SUMO3: variants seen among roughly 807,000 people sequenced by gnomAD.
The protein encoded by SUMO3 is small ubiquitin like modifier 3.
Under a neutral mutation model 11.1 loss-of-function variants are expected in SUMO3, and 2 were observed. The observed-to-expected ratio is 0.18, with a 90% confidence interval of 0.07 to 0.57. The LOEUF (loss-of-function observed/expected upper bound fraction) is 0.57. Among genes scored for constraint, SUMO3 ranks in the 20% least tolerant of loss-of-function variants. The pLI is 0.92. For missense variants in SUMO3, 70 were observed against 132.8 expected, an observed-to-expected ratio of 0.53 and a Z score of 2.32; for synonymous variants, 56 against 53.5, an observed-to-expected ratio of 1.05 and a Z score of -0.20.
rs1248294099 is a variant in SUMO3 at position 44,811,035 on chromosome 21, C to T, written c.151-1917G>A. ...CCACATATGCACACACGCACACACC[C>T]ACATACACACACGCACACACCCACA... is the stretch of plus-strand genomic sequence containing the variant. On this transcript the variant is annotated intron_variant, in intron 2 of 3. Coordinates refer to ENST00000332859, the MANE Select transcript of SUMO3 (RefSeq NM_006936.3). This position sits in a 1 kb window ranked among gnomAD's most constrained non-coding sequence, Gnocchi z 5.0. Among the ~76,000 whole-genome samples, 1 of 143,896 alleles carries T rather than the reference C, an allele frequency of 6.9e-6. No individual in the cohort carries two copies. Among genetic ancestry groups the T allele is most frequent in the African/African-American group, 2.5e-5 (1 of 40,008 alleles). 94.4% of individuals were successfully genotyped at this position (143,896 alleles called of 152,430 possible).
intron 1 of SUMO3, among the ~76,000 whole-genome samples, chr21:44,817,028 G>T (rs1410893538): frequency 7.9e-6 from 1 of 125,966 alleles, no homozygotes; most frequent in Non-Finnish European, 1.7e-5. Context: ...GACGGGGAGG[G>T]GTGAGCACAC....
chr21:44,818,031 T>C lies in SUMO3; in HGVS notation c.-63A>G. On this transcript the variant is annotated 5_prime_UTR_variant, in exon 1 of 4. Transcript: ENST00000332859. ...GCAGCGCGGAGCGGGCGAGTCACGC[T>C]CTCGGCCCCGCCGCTCTCCCGCCGC... is the stretch of plus-strand genomic sequence containing the variant. 2 of 1,154,546 alleles carry C rather than the reference T, an allele frequency of 1.7e-6. No individual in the cohort carries two copies. Among genetic ancestry groups the C allele is most frequent in the South Asian group, 8.5e-5 (2 of 23,410 alleles). 71.5% of individuals were successfully genotyped at this position (1,154,546 alleles called of 1,614,324 possible).
At chr21:44,815,696 G>A (rs2083239479) in intron 1 of SUMO3, among the ~76,000 whole-genome samples, 1 of 152,184 alleles carries the variant, frequency 6.6e-6, no homozygotes, top group Non-Finnish European at 1.5e-5. Flanking sequence ...GCAGGGCCCA[G>A]ACGTCCCCCA....
chr21:44,808,675 A>G, intron 3 of SUMO3: 1 of 1,369,386 alleles, frequency 7.3e-7, no homozygotes, highest in Non-Finnish European at 9.5e-7. Context: ...CACCCACGTC[A>G]CTTGTGCAAG....
chr21:44,814,597 G>A (rs1195927284), intron 1 of SUMO3, among the ~76,000 whole-genome samples: 1 of 152,152 alleles, frequency 6.6e-6, no homozygotes, highest in Non-Finnish European at 1.5e-5. Context: ...CAGCTATACA[G>A]CACTAGTAAA....
intron 3 of SUMO3, chr21:44,808,340 G>C: frequency 2.4e-6 from 1 of 417,744 alleles, no homozygotes; most frequent in Admixed American, 4.4e-5. Flanking sequence ...GTGAAACCCC[G>C]TCTCTACTAA....
intron 3 of SUMO3, chr21:44,808,562 T>C (rs1351670649): frequency 7.2e-7 from 1 of 1,393,908 alleles, no homozygotes; most frequent in Non-Finnish European, 9.4e-7. Flanking sequence ...CATGACAGTA[T>C]GATGCCCTGC....
Position 44,818,036 on chromosome 21 carries a change from G to T in SUMO3, c.-68C>A. 8.8e-7 allele frequency: 1 copy of T among 1,142,284 alleles called. No homozygotes were observed. Among genetic ancestry groups the T allele is most frequent in the Non-Finnish European group, 1.1e-6 (1 of 922,120 alleles). 70.8% of individuals were successfully genotyped at this position (1,142,284 alleles called of 1,614,324 possible). On this transcript the variant is annotated 5_prime_UTR_variant, in exon 1 of 4. Transcript: ENST00000332859. Reference sequence around the variant, plus strand: ...GCGGAGCGGGCGAGTCACGCTCTCGGCCCCGCCGCTCTCCCGCCGCAACTG... The same window carrying T: ...GCGGAGCGGGCGAGTCACGCTCTCGTCCCCGCCGCTCTCCCGCCGCAACTG...
intron 2 of SUMO3, chr21:44,813,497 G>A (rs1246040872): frequency 1.4e-5 from 4 of 282,080 alleles, no homozygotes; most frequent in Admixed American, 4.7e-5. Context: ...AGAATCACGC[G>A]CTTTCTTGCC....
chr21:44,806,052 A>T lies in SUMO3; in HGVS notation c.*899T>A, dbSNP rs2083173959. 1 of 152,234 alleles carries T rather than the reference A, an allele frequency of 6.6e-6. No individual in the cohort carries two copies. The highest frequency in any genetic ancestry group is 2.4e-5 in the African/African-American group (1 of 41,452). The allele number at this position is 152,234 out of a possible 1,614,324, so 9.4% of individuals were successfully genotyped here. On this transcript the variant is annotated 3_prime_UTR_variant, in exon 4 of 4. Coordinates refer to ENST00000332859, the MANE Select transcript of SUMO3 (RefSeq NM_006936.3). ...AAGTAGCTCTTATACACGACAACAT[A>T]ACTGCAAATTCAGCAATACTTAGTC...
At position 44,806,394 on chromosome 21, in the gene SUMO3, A is replaced by G. The variant is rs1300398406; in HGVS notation, c.*557T>C. On this transcript the variant is annotated 3_prime_UTR_variant, in exon 4 of 4. Transcript: ENST00000332859. ...TTTTTAACCTTTGAAGAAGCATTCCAGTATTTTCCCTTCAACTTTTCCATA... is the reference window on the plus strand; with the variant it reads ...TTTTTAACCTTTGAAGAAGCATTCCGGTATTTTCCCTTCAACTTTTCCATA... The G allele has an allele frequency of 6.6e-6, 1 of 152,542 alleles. No homozygotes were observed. Among genetic ancestry groups the G allele is most frequent in the Non-Finnish European group, 1.5e-5 (1 of 68,286 alleles). The allele number at this position is 152,542 out of a possible 1,614,324, so 9.4% of individuals were successfully genotyped here.
Position 44,818,060 on chromosome 21 carries a change from T to A in SUMO3, c.-92A>T. The A allele has an allele frequency of 9.6e-7, 1 of 1,037,766 alleles. No homozygotes were observed. Among genetic ancestry groups the A allele is most frequent in the Non-Finnish European group, 1.2e-6 (1 of 830,148 alleles). The allele number at this position is 1,037,766 out of a possible 1,614,324, so 64.3% of individuals were successfully genotyped here. A position where few individuals can be genotyped will look rare whatever the true frequency, so the allele number is the denominator to read the frequency against. Reference sequence around the variant, plus strand: ...GGCCCCGCCGCTCTCCCGCCGCAACTGTGCGCGGGGCCGCGCTTTATCCCC... The same window carrying A: ...GGCCCCGCCGCTCTCCCGCCGCAACAGTGCGCGGGGCCGCGCTTTATCCCC... On this transcript the variant is annotated 5_prime_UTR_variant, in exon 1 of 4. Transcript: ENST00000332859.
At chr21:44,815,623 A>C (rs531816374) in intron 1 of SUMO3, among the ~76,000 whole-genome samples, 2 of 152,336 alleles carry the variant, frequency 1.3e-5, no homozygotes, top group African/African-American at 4.8e-5. Flanking sequence ...TCACTTCCCC[A>C]AGCATGAGGA....
Position 44,806,708 on chromosome 21 carries a change from C to G in SUMO3, c.*243G>C. On this transcript the variant is annotated 3_prime_UTR_variant, in exon 4 of 4. Coordinates refer to ENST00000332859, the MANE Select transcript of SUMO3 (RefSeq NM_006936.3). ...AAACACAAATGAGCACACAAAAGTA[C>G]CCACAATATCTTGCAACTCATTTTA... The G allele has an allele frequency of 2.0e-6, 2 of 1,017,492 alleles. No homozygotes were observed. Among genetic ancestry groups the G allele is most frequent in the Non-Finnish European group, 2.7e-6 (2 of 745,832 alleles). The allele number at this position is 1,017,492 out of a possible 1,614,324, so 63.0% of individuals were successfully genotyped here. A position where few individuals can be genotyped will look rare whatever the true frequency, so the allele number is the denominator to read the frequency against.
At position 44,807,857 on chromosome 21, in the gene SUMO3, C is replaced by CGAG. The variant is rs1231339889; in HGVS notation, c.223-820_223-818dup. On this transcript the variant is annotated intron_variant, in intron 3 of 3. Coordinates refer to ENST00000332859, the MANE Select transcript of SUMO3 (RefSeq NM_006936.3). The surrounding 1 kb of genome is among the most constrained non-coding windows in gnomAD (Gnocchi z 4.3). ...CCCCAGTCAAGCCCCAGAGACTCCA[C>CGAG]GAGGCCCTCCCTGCTCAGCTGCTCT... 1.3e-5 allele frequency among the ~76,000 whole-genome samples: 2 copies of CGAG among 152,200 alleles called. No homozygotes were observed. Among genetic ancestry groups the CGAG allele is most frequent in the Non-Finnish European group, 2.9e-5 (2 of 68,036 alleles).
chr21:44,807,161 C>T lies in SUMO3; in HGVS notation c.223-121G>A. ...TGACACTAGCGACATCACCTGGTCACACCTTGGCTCTTGTCCGTCCCCTCA... is the reference window on the plus strand; with the variant it reads ...TGACACTAGCGACATCACCTGGTCATACCTTGGCTCTTGTCCGTCCCCTCA... On this transcript the variant is annotated intron_variant, in intron 3 of 3. Transcript: ENST00000332859. This position sits in a 1 kb window ranked among gnomAD's most constrained non-coding sequence, Gnocchi z 4.3. 8.0e-7 allele frequency: 1 copy of T among 1,251,264 alleles called. No homozygotes were observed. Among genetic ancestry groups the T allele is most frequent in the Admixed American group, 2.2e-5 (1 of 45,330 alleles). 77.5% of individuals were successfully genotyped at this position (1,251,264 alleles called of 1,614,324 possible). A position where few individuals can be genotyped will look rare whatever the true frequency, so the allele number is the denominator to read the frequency against.
chr21:44,812,680 C>T (rs988977258), intron 2 of SUMO3, among the ~76,000 whole-genome samples: 4 of 152,176 alleles, frequency 2.6e-5, no homozygotes, highest in Non-Finnish European at 5.9e-5. Flanking sequence ...CCCTGGACCA[C>T]GGCTGAGCAG....
Position 44,806,789 on chromosome 21 carries a change from G to T in SUMO3, c.*162C>A. On this transcript the variant is annotated 3_prime_UTR_variant, in exon 4 of 4. Coordinates refer to ENST00000332859, the MANE Select transcript of SUMO3 (RefSeq NM_006936.3). Reference sequence around the variant, plus strand: ...CAATTTAAGTTACAGATTCATCCCTGCAGATATAGTTTTGAGTTGCACTTG... The same window carrying T: ...CAATTTAAGTTACAGATTCATCCCTTCAGATATAGTTTTGAGTTGCACTTG... 3.5e-6 allele frequency: 5 copies of T among 1,425,102 alleles called. No homozygotes were observed. The South Asian group carries it at 6.0e-5, about 17-fold the overall frequency. The allele number at this position is 1,425,102 out of a possible 1,614,324, so 88.3% of individuals were successfully genotyped here.
rs1601216568 is a variant in SUMO3 at position 44,813,419 on chromosome 21, A to G, written c.150+557T>C. On this transcript the variant is annotated intron_variant, in intron 2 of 3. Transcript: ENST00000332859. ...CACCACGTCACAAACAGCAGCCAGA[A>G]GGCATCCACCCAGCTGGGCACTGCC... 6 of 196,558 alleles carry G rather than the reference A, an allele frequency of 3.1e-5. No individual in the cohort carries two copies. In the South Asian group the frequency reaches 6.4e-4, roughly 21 times the overall value. The allele number at this position is 196,558 out of a possible 1,614,324, so 12.2% of individuals were successfully genotyped here.
Sources: allele counts gnomAD v4.1 joint callset (sites outside exome capture counted in the v4.1 genomes callset), GRCh38; gene constraint gnomAD v4.1.1; non-coding constraint Gnocchi (gnomAD v3.1); transcripts MANE v1.5; gene names NCBI Gene and HGNC (gene_info 2026-07-23, HGNC 2026-07-21).